The following ERBB4 variants were observed in gnomAD, a reference collection of about 807,000 sequenced individuals.
The protein encoded by ERBB4 is receptor tyrosine-protein kinase erbB-4.
A neutral mutation model predicts 158.0 loss-of-function variants in ERBB4; 42 were observed. The observed-to-expected ratio is 0.27, with a 90% confidence interval of 0.21 to 0.34. The LOEUF is 0.34. Ranked by LOEUF, ERBB4 falls within the 10% of genes least tolerant of loss-of-function variation. ERBB4 has a pLI of 1.00. For missense variants in ERBB4, 1,333 were observed against 1,624.1 expected (o/e 0.82, Z 3.08); for synonymous variants, 583 against 558.7 (o/e 1.04, Z -0.61).
At chr2:212,373,110 T>C (rs914533568) in intron 1 of ERBB4, among the ~76,000 whole-genome samples, 4 of 152,192 alleles carry the variant, frequency 2.6e-5, no homozygotes, top group East Asian at 1.9e-4. Flanking sequence ...AATACATTTA[T>C]TAAGTGGTTA....
intron 1 of ERBB4, among the ~76,000 whole-genome samples, chr2:212,204,946 G>A (rs775304181): frequency 1.3e-5 from 2 of 150,830 alleles, no homozygotes; most frequent in Non-Finnish European, 2.9e-5. Context: ...AGCCTCCCGA[G>A]TAGCTGGGAT....
At chr2:211,583,507 T>C (rs1444474227) in intron 19 of ERBB4, among the ~76,000 whole-genome samples, 5 of 68,046 alleles carry the variant, frequency 7.3e-5, no homozygotes, top group African/African-American at 1.6e-4. Flanking sequence ...GTAGAATAAA[T>C]TATTTTCCCT....
chr2:211,536,014 C>A (rs574049640), intron 20 of ERBB4, among the ~76,000 whole-genome samples: 2 of 151,450 alleles, frequency 1.3e-5, no homozygotes, highest in Non-Finnish European at 1.5e-5. Context: ...ACTGGAAAAG[C>A]GAATGGGAAC....
At chr2:212,069,489 A>G (rs540611189) in intron 2 of ERBB4, among the ~76,000 whole-genome samples, 2 of 151,886 alleles carry the variant, frequency 1.3e-5, no homozygotes, top group African/African-American at 4.8e-5. Flanking sequence ...ATGCTTCCCC[A>G]CTCCCGATCA....
At chr2:212,298,078 A>G (rs1405982390) in intron 1 of ERBB4, among the ~76,000 whole-genome samples, 1 of 151,806 alleles carries the variant, frequency 6.6e-6, no homozygotes, top group Non-Finnish European at 1.5e-5. Context: ...ATCTTACTAC[A>G]ATTTGTTTTC....
chr2:212,463,792 G>A (rs1340345036), intron 1 of ERBB4, among the ~76,000 whole-genome samples: 1 of 151,994 alleles, frequency 6.6e-6, no homozygotes, highest in African/African-American at 2.4e-5. Flanking sequence ...TGATTAATTG[G>A]CCCTGTTTCA....
intron 1 of ERBB4, among the ~76,000 whole-genome samples, chr2:212,333,463 G>A (rs73068297): frequency 0.042 from 6,287 of 151,106 alleles, 457 homozygotes; most frequent in African/African-American, 0.15. Flanking sequence ...AGAACTGCTC[G>A]AGCCCAGGAG....
rs570570692 is a variant in ERBB4 at position 211,388,000 on chromosome 2, G to T, written c.3136-8C>A. 2 of 1,586,536 alleles carry T rather than the reference G, an allele frequency of 1.3e-6. No homozygotes were observed. On this transcript the variant is annotated splice_region_variant and splice_polypyrimidine_tract_variant and intron_variant, in intron 25 of 27. Coordinates refer to ENST00000342788, the MANE Select transcript of ERBB4 (RefSeq NM_005235.3). ...GCTGTGTCCAATTTCACTCTAATAG[G>T]AAAGAAAAATGGAATGATGGATATA...
intron 20 of ERBB4, among the ~76,000 whole-genome samples, chr2:211,500,807 G>C (rs1301064285): frequency 6.6e-6 from 1 of 151,972 alleles, no homozygotes; most frequent in Non-Finnish European, 1.5e-5. Context: ...CTCACACTGA[G>C]AGCACTGGTT....
rs150805973 is a variant in ERBB4 at position 212,402,124 on chromosome 2, A to C, written c.82+136325T>G. Among the ~76,000 whole-genome samples the C allele has an allele frequency of 7.3e-3, 1,118 of 152,222 alleles. 6 individuals are homozygous for C. The highest frequency in any genetic ancestry group is 0.024 in the Middle Eastern group (7 of 294). On this transcript the variant is annotated intron_variant, in intron 1 of 27. Coordinates refer to ENST00000342788, the MANE Select transcript of ERBB4 (RefSeq NM_005235.3). ...CTGAAATCAGCCCCAATATTCTTTA[A>C]CAGGTGAATGGTTTAATAAACAGTG... is the stretch of plus-strand genomic sequence containing the variant.
At chr2:211,946,576 CTTTTTTTTTTTTTTTT>C (rs56007115) in intron 3 of ERBB4, among the ~76,000 whole-genome samples, 2 of 49,568 alleles carry the variant, frequency 4.0e-5, no homozygotes, top group African/African-American at 1.6e-4. Flanking sequence ...AATTAGCTCT[CTTTTTTTTTTTTTTTT>C]TTTTTTTTTT....
intron 19 of ERBB4, among the ~76,000 whole-genome samples, chr2:211,596,436 G>A (rs2068632038): frequency 6.6e-6 from 1 of 152,142 alleles, no homozygotes; most frequent in Middle Eastern, 3.4e-3. Context: ...CACTAGTTCT[G>A]GATGCTTAGG....
chr2:211,974,014 A>C (rs1050474982), intron 2 of ERBB4, among the ~76,000 whole-genome samples: 1 of 152,280 alleles, frequency 6.6e-6, no homozygotes, highest in African/African-American at 2.4e-5. Flanking sequence ...CTCACTCATA[A>C]GTGAGAGGTG....
chr2:211,634,076 C>T (rs1310259264), intron 16 of ERBB4, among the ~76,000 whole-genome samples: 7 of 152,154 alleles, frequency 4.6e-5, no homozygotes. Context: ...GGAGAATCGC[C>T]TGAACCCAGG....
At chr2:212,428,928 G>C (rs1391639546) in intron 1 of ERBB4, among the ~76,000 whole-genome samples, 1 of 152,114 alleles carries the variant, frequency 6.6e-6, no homozygotes, top group Non-Finnish European at 1.5e-5. Context: ...GGGTTATGTG[G>C]AACCCCAGTG....
chr2:212,319,698 T>C (rs2087468681), intron 1 of ERBB4, among the ~76,000 whole-genome samples: 1 of 150,306 alleles, frequency 6.7e-6, no homozygotes, highest in African/African-American at 2.4e-5. Flanking sequence ...AGACAGAAGC[T>C]CCAGTGGCTA....
chr2:211,636,125 A>T (rs979503282), intron 16 of ERBB4, among the ~76,000 whole-genome samples: 3 of 151,918 alleles, frequency 2.0e-5, no homozygotes, highest in African/African-American at 7.3e-5. Flanking sequence ...TTAAAAAAAA[A>T]GTATATAAGA....
In ERBB4 at chr2:211,494,675, T is replaced by G. The variant is rs1355078533; in HGVS notation, c.2488-63575A>C. 2.6e-5 allele frequency among the ~76,000 whole-genome samples: 4 copies of G among 152,162 alleles called. 1 individual carries two copies. ...TCTGAAATTTTGAAAGAAGCCTGTA[T>G]GATTCCCTTTTAAAAGGCGTTTGTT... is the stretch of plus-strand genomic sequence containing the variant. On this transcript the variant is annotated intron_variant, in intron 20 of 27. Transcript: ENST00000342788.
chr2:212,400,297 C>T (rs946073522), intron 1 of ERBB4, among the ~76,000 whole-genome samples: 6 of 152,116 alleles, frequency 3.9e-5, no homozygotes, highest in Non-Finnish European at 8.8e-5. Flanking sequence ...TGCAGTTATG[C>T]TGTGGCCTAA....
Sources: gnomAD v4.1 joint callset for allele counts (sites outside exome capture counted in the v4.1 genomes callset) on GRCh38, gnomAD v4.1.1 for gene constraint, MANE v1.5 for transcripts, NCBI Gene and HGNC (gene_info 2026-07-23, HGNC 2026-07-21) for gene names.